NLGN1: variants seen among roughly 807,000 people sequenced by gnomAD.
NLGN1 encodes the protein neuroligin 1, also known as neuroligin-1.
A neutral mutation model predicts 65.5 loss-of-function variants in NLGN1; 12 were observed. That is an observed-to-expected ratio of 0.18 (90% CI 0.12 to 0.30). The LOEUF is 0.30. NLGN1 is among the 10% of genes least tolerant of loss of function. The probability of loss-of-function intolerance (pLI) is 1.00; values close to 1 mark genes in which losing one functional copy is unlikely to be tolerated. For synonymous variants in NLGN1, 350 were observed against 359.5 expected, an observed-to-expected ratio of 0.97 and a Z score of 0.30; for missense variants, 750 against 1,007.1, an observed-to-expected ratio of 0.74 and a Z score of 3.46.
chr3:173,850,098 C>T (rs1202621515), intron 4 of NLGN1, among the ~76,000 whole-genome samples: 2 of 151,970 alleles, frequency 1.3e-5, no homozygotes, highest in Non-Finnish European at 2.9e-5. Context: ...CTCAAGAAGT[C>T]TCACCATTCA....
At chr3:173,889,988 G>GGGGT (rs553241873) in intron 4 of NLGN1, among the ~76,000 whole-genome samples, 4 of 147,648 alleles carry the variant, frequency 2.7e-5, no homozygotes, top group African/African-American at 1.0e-4. Flanking sequence ...TATGTATGAG[G>GGGGT]GTGTGTGTGT....
At chr3:173,586,509 T>C (rs1180732261) in intron 2 of NLGN1, among the ~76,000 whole-genome samples, 1 of 152,216 alleles carries the variant, frequency 6.6e-6, no homozygotes, top group Non-Finnish European at 1.5e-5. Context: ...AAATCTAATT[T>C]TGAAGCATGC....
At chr3:173,402,095 T>G (rs137919061) in intron 1 of NLGN1, among the ~76,000 whole-genome samples, 196 of 152,284 alleles carry the variant, frequency 1.3e-3, no homozygotes, top group African/African-American at 4.6e-3. Flanking sequence ...CTCTATTGTT[T>G]CAATATTTCT....
chr3:173,655,149 G>A (rs1164267903), intron 3 of NLGN1, among the ~76,000 whole-genome samples: 1 of 152,096 alleles, frequency 6.6e-6, no homozygotes, highest in African/African-American at 2.4e-5. Context: ...GAGGACCTCA[G>A]AAGGGGAAAA....
intron 2 of NLGN1, among the ~76,000 whole-genome samples, chr3:173,566,556 C>A (rs571992132): frequency 6.6e-6 from 1 of 152,272 alleles, no homozygotes; most frequent in Admixed American, 6.5e-5. Flanking sequence ...TCTGCCCCAT[C>A]TTATTTCATT....
chr3:173,553,846 C>T (rs1741282229), intron 2 of NLGN1, among the ~76,000 whole-genome samples: 2 of 152,146 alleles, frequency 1.3e-5, no homozygotes, highest in Non-Finnish European at 2.9e-5. Flanking sequence ...TGGAAAGTTA[C>T]TCATTGAGCC....
intron 4 of NLGN1, among the ~76,000 whole-genome samples, chr3:174,269,500 G>T: frequency 6.6e-6 from 1 of 151,830 alleles, no homozygotes; most frequent in East Asian, 1.9e-4. Flanking sequence ...CCATGTTGTA[G>T]CATGTAACAA....
intron 3 of NLGN1, among the ~76,000 whole-genome samples, chr3:173,680,520 T>C (rs1763812405): frequency 6.6e-6 from 1 of 152,172 alleles, no homozygotes; most frequent in African/African-American, 2.4e-5. Flanking sequence ...CAATATTCTC[T>C]TTGTTATCAA....
At chr3:173,766,496 A>G (rs1279854231) in intron 3 of NLGN1, among the ~76,000 whole-genome samples, 1 of 152,168 alleles carries the variant, frequency 6.6e-6, no homozygotes, top group African/African-American at 2.4e-5. Context: ...TACTAGTAGT[A>G]GTAGGATAGT....
intron 4 of NLGN1, among the ~76,000 whole-genome samples, chr3:173,953,759 G>T (rs1456545173): frequency 6.6e-6 from 1 of 151,978 alleles, no homozygotes; most frequent in Admixed American, 6.6e-5. Context: ...GTCCAGGCTG[G>T]TCTTGAACTC....
At chr3:174,118,337 C>G (rs1246877387) in intron 4 of NLGN1, among the ~76,000 whole-genome samples, 5 of 152,162 alleles carry the variant, frequency 3.3e-5, no homozygotes, top group Non-Finnish European at 7.3e-5. Context: ...TAATATCTTG[C>G]ATGTAGCATC....
intron 2 of NLGN1, among the ~76,000 whole-genome samples, chr3:173,536,136 C>G (rs1405289048): frequency 6.6e-6 from 1 of 152,112 alleles, no homozygotes; most frequent in Non-Finnish European, 1.5e-5. Context: ...TCTGATGATT[C>G]CTGTCTTCCC....
chr3:174,156,553 G>T (rs1374726020), intron 4 of NLGN1, among the ~76,000 whole-genome samples: 1 of 151,732 alleles, frequency 6.6e-6, no homozygotes, highest in African/African-American at 2.4e-5. Context: ...AAAATTAATA[G>T]ATTTGAGAGT....
intron 2 of NLGN1, among the ~76,000 whole-genome samples, chr3:173,470,221 G>A (rs1011962347): frequency 1.3e-5 from 2 of 152,036 alleles, no homozygotes; most frequent in African/African-American, 4.8e-5. Flanking sequence ...GGCATTCAGT[G>A]TGCACCACAC....
intron 2 of NLGN1, among the ~76,000 whole-genome samples, chr3:173,505,613 A>G (rs1315709234): frequency 2.0e-5 from 3 of 152,002 alleles, no homozygotes; most frequent in African/African-American, 4.8e-5. Context: ...CTCCACCTTG[A>G]AAGTTCTCTG....
At chr3:173,490,580 C>G (rs942130939) in intron 2 of NLGN1, among the ~76,000 whole-genome samples, 1 of 152,132 alleles carries the variant, frequency 6.6e-6, no homozygotes, top group African/African-American at 2.4e-5. Context: ...AATGTGGGCT[C>G]TTTTGTGGTT....
rs1201784362 is a variant in NLGN1 at position 173,720,170 on chromosome 3, G to A, written c.494-87510G>A. On this transcript the variant is annotated intron_variant, in intron 3 of 6. Coordinates refer to ENST00000457714, the Ensembl canonical transcript of NLGN1. ...TAAAAAATGCTGATTTCTGAGTCAC[G>A]ATCCAGGCCTGCTAAATCAGGATGC... Among the ~76,000 whole-genome samples the A allele has an allele frequency of 3.9e-5, 6 of 152,016 alleles. No homozygotes were observed. In the East Asian group the frequency reaches 5.8e-4, roughly 15 times the overall value.
intron 4 of NLGN1, among the ~76,000 whole-genome samples, chr3:174,037,604 C>T (rs1388838459): frequency 3.3e-5 from 5 of 152,118 alleles, no homozygotes; most frequent in African/African-American, 1.2e-4. Flanking sequence ...CAGACAAACA[C>T]AGGTGAGGAA....
intron 2 of NLGN1, among the ~76,000 whole-genome samples, chr3:173,510,240 G>A (rs766451780): frequency 2.0e-5 from 3 of 152,090 alleles, no homozygotes; most frequent in Non-Finnish European, 2.9e-5. Context: ...TTTAAATTTG[G>A]TTCCCTTATT....
Sources: gnomAD v4.1 joint callset for allele counts (sites outside exome capture counted in the v4.1 genomes callset) on GRCh38, gnomAD v4.1.1 for gene constraint, MANE v1.5 for transcripts, NCBI Gene and HGNC (gene_info 2026-07-23, HGNC 2026-07-21) for gene names.